The following ASNS variants were observed in gnomAD, a reference collection of about 807,000 sequenced individuals.
ASNS encodes the protein asparagine synthetase (glutamine-hydrolyzing).
A neutral mutation model predicts 62.6 loss-of-function variants in ASNS; 37 were observed. The observed-to-expected ratio is 0.59, with a 90% confidence interval of 0.45 to 0.78. The LOEUF (loss-of-function observed/expected upper bound fraction) is 0.78, where lower values mean the gene tolerates loss of function less well. Among genes scored for constraint, ASNS ranks in the 30% least tolerant of loss-of-function variants. The pLI is 0.00. For missense variants in ASNS, 520 were observed against 682.4 expected, an observed-to-expected ratio of 0.76 and a Z score of 2.65; for synonymous variants, 207 against 237.9, an observed-to-expected ratio of 0.87 and a Z score of 1.19.
chr7:97,870,235 G>GAACA (rs1792188286), intron 1 of ASNS: 1 of 865,954 alleles, frequency 1.2e-6, no homozygotes, highest in South Asian at 2.4e-5. Flanking sequence ...GTGCTACGAA[G>GAACA]ATTGTACACA....
chr7:97,922,688 T>G, the ASNS span, among the ~76,000 whole-genome samples: 1 of 152,366 alleles, frequency 6.6e-6, no homozygotes, highest in East Asian at 1.9e-4. Context: ...TGTACCCTCT[T>G]GTACATAATT....
the ASNS span, among the ~76,000 whole-genome samples, chr7:97,921,348 A>G: frequency 1.2e-3 from 188 of 152,314 alleles, no homozygotes; most frequent in Non-Finnish European, 2.4e-3. Flanking sequence ...TTTGCAGGCC[A>G]TAGGTCTCTG....
At chr7:97,901,964 C>T in the ASNS span, among the ~76,000 whole-genome samples, 1 of 151,394 alleles carries the variant, frequency 6.6e-6, no homozygotes, top group African/African-American at 2.4e-5. Context: ...GGCAATAAAG[C>T]AAGACTGTCT....
At chr7:97,903,408 C>T in the ASNS span, among the ~76,000 whole-genome samples, 114 of 152,070 alleles carry the variant, frequency 7.5e-4, no homozygotes, top group Non-Finnish European at 8.8e-4. Context: ...TTGTACACAC[C>T]TACACAGGTA....
At chr7:97,865,802 G>A (rs532696572) in intron 3 of ASNS, among the ~76,000 whole-genome samples, 1 of 152,268 alleles carries the variant, frequency 6.6e-6, no homozygotes, top group Admixed American at 6.5e-5. Flanking sequence ...TGCCAATGGC[G>A]TATCCAGCTT....
At chr7:97,871,916 G>A (rs1199927179) in intron 1 of ASNS, 4 of 152,200 alleles carry the variant, frequency 2.6e-5, no homozygotes, top group African/African-American at 9.7e-5. Context: ...TCAGGACCAC[G>A]CGACACCTGA....
the ASNS span, among the ~76,000 whole-genome samples, chr7:97,922,833 G>C: frequency 6.6e-6 from 1 of 152,092 alleles, no homozygotes; most frequent in Non-Finnish European, 1.5e-5. Context: ...CTGTCACCCA[G>C]GTGGCTGAAG....
intron 2 of ASNS, 46 bp from the exon 3 acceptor site, chr7:97,869,225 C>G: frequency 6.4e-7 from 1 of 1,568,766 alleles, no homozygotes; most frequent in Non-Finnish European, 8.7e-7. Context: ...AATATCCAAT[C>G]CAACTCTGCA....
the ASNS span, among the ~76,000 whole-genome samples, chr7:97,916,167 T>C: frequency 6.6e-6 from 1 of 151,916 alleles, no homozygotes; most frequent in African/African-American, 2.4e-5. Flanking sequence ...TCACCTGAGG[T>C]CAGGAGTTCC....
chr7:97,915,476 C>G, the ASNS span, among the ~76,000 whole-genome samples: 1 of 152,206 alleles, frequency 6.6e-6, no homozygotes, highest in African/African-American at 2.4e-5. Context: ...GAATCACGAA[C>G]AGGCATGGCC....
chr7:97,884,199 A>C, the ASNS span, among the ~76,000 whole-genome samples: 1 of 151,966 alleles, frequency 6.6e-6, no homozygotes, highest in African/African-American at 2.4e-5. Flanking sequence ...CTCCAGCCTC[A>C]TTTCCTGATT....
At chr7:97,928,219 C>A in the ASNS span, 2 of 1,519,706 alleles carry the variant, frequency 1.3e-6, no homozygotes, top group South Asian at 1.2e-5. Context: ...TCGGGAGGGA[C>A]GTCGTCCTCC....
At chr7:97,868,511 G>A (rs886508222) in intron 3 of ASNS, among the ~76,000 whole-genome samples, 2 of 105,756 alleles carry the variant, frequency 1.9e-5, no homozygotes, top group Non-Finnish European at 3.7e-5. Flanking sequence ...AAATGATTCA[G>A]CAAAAACATG....
Position 97,851,834 on chromosome 7 carries a change from G to T in ASNS, c.*425C>A. 1 of 179,914 alleles carries T rather than the reference G, an allele frequency of 5.6e-6. No individual in the cohort carries two copies. The highest frequency in any genetic ancestry group is 1.2e-5 in the Non-Finnish European group (1 of 84,808). The allele number at this position is 179,914 out of a possible 1,614,324, so 11.1% of individuals were successfully genotyped here. On this transcript the variant is annotated 3_prime_UTR_variant, in exon 13 of 13. Transcript: ENST00000394308. ...AATAGAGCTGTGATGAACTCCTATA[G>T]AAGATTCAAGTCTGAGTCTGCCTAG...
chr7:97,866,555 TC>T (rs1175441355), intron 3 of ASNS, among the ~76,000 whole-genome samples: 1 of 152,224 alleles, frequency 6.6e-6, no homozygotes. Flanking sequence ...GGATGAAAAG[TC>T]CTTGATGTAT....
At chr7:97,890,175 A>C in the ASNS span, among the ~76,000 whole-genome samples, 1 of 152,060 alleles carries the variant, frequency 6.6e-6, no homozygotes, top group African/African-American at 2.4e-5. Flanking sequence ...AGAAAAAAGA[A>C]TGAAGCAAGG....
the ASNS span, among the ~76,000 whole-genome samples, chr7:97,884,503 C>A: frequency 6.6e-6 from 1 of 152,080 alleles, no homozygotes; most frequent in Non-Finnish European, 1.5e-5. Context: ...GAGCCAAGGT[C>A]GCACCACTCC....
intron 4 of ASNS, among the ~76,000 whole-genome samples, chr7:97,860,868 A>G (rs1791679455): frequency 6.6e-6 from 1 of 152,056 alleles, no homozygotes; most frequent in Non-Finnish European, 1.5e-5. Context: ...ATGAAGTCCA[A>G]TTCATTGATT....
the ASNS span, among the ~76,000 whole-genome samples, chr7:97,897,371 G>T: frequency 1.3e-5 from 2 of 152,120 alleles, no homozygotes; most frequent in Non-Finnish European, 2.9e-5. Context: ...GATGCCAAAC[G>T]CAATTGCCAC....
Sources: allele counts gnomAD v4.1 joint callset (sites outside exome capture counted in the v4.1 genomes callset), GRCh38; gene constraint gnomAD v4.1.1; transcripts MANE v1.5; gene names NCBI Gene and HGNC (gene_info 2026-07-23, HGNC 2026-07-21).